SCARB2: variants seen among roughly 807,000 people sequenced by gnomAD.
SCARB2 encodes the protein lysosome membrane protein 2.
Under a neutral mutation model 58.6 loss-of-function variants are expected in SCARB2, and 29 were observed. The observed-to-expected ratio is 0.49, with a 90% CI of 0.37 to 0.67. The LOEUF is 0.67. SCARB2 is among the 30% of genes least tolerant of loss of function. The pLI is 0.00. For missense variants in SCARB2, 488 were observed against 578.5 expected (o/e 0.84, Z 1.60); for synonymous variants, 195 against 210.1 (o/e 0.93, Z 0.62).
intron 2 of SCARB2, among the ~76,000 whole-genome samples, chr4:76,187,791 T>C (rs1276555673): frequency 1.3e-5 from 2 of 152,090 alleles, no homozygotes; most frequent in Non-Finnish European, 2.9e-5. Flanking sequence ...AGTTGATCTT[T>C]AGTGATTATA....
At chr4:76,214,751 G>T (rs1310018624), upstream of SCARB2, among the ~76,000 whole-genome samples, 1 of 152,198 alleles carries the variant, frequency 6.6e-6, no homozygotes, top group Non-Finnish European at 1.5e-5. Flanking sequence ...TCTTTGCACA[G>T]TTCTACTCAT....
chr4:76,172,067 T>C (rs1320892734), intron 7 of SCARB2, among the ~76,000 whole-genome samples: 2 of 148,634 alleles, frequency 1.3e-5, no homozygotes, highest in Non-Finnish European at 3.0e-5. Context: ...TGCAAATATA[T>C]GCATATTTAT....
Position 76,190,785 on chromosome 4 carries a change from A to AAAAC in SCARB2, c.275+4918_275+4921dup, listed in dbSNP as rs368133246. 3.0e-3 allele frequency among the ~76,000 whole-genome samples: 461 copies of AAAAC among 152,040 alleles called. 2 individuals are homozygous for AAAAC. Among genetic ancestry groups the AAAAC allele is most frequent in the African/African-American group, 8.5e-3 (350 of 41,370 alleles). On this transcript the variant is annotated intron_variant, in intron 2 of 11. Coordinates refer to ENST00000264896, the MANE Select transcript of SCARB2 (RefSeq NM_005506.4). ...GGAGACAGAATGAGACTCTGTCTCAAAAACAAACAAACAAACAAACAAACA... is the reference window on the plus strand; with the variant it reads ...GGAGACAGAATGAGACTCTGTCTCAAAAACAAACAAACAAACAAACAAACAAACA...
At chr4:76,217,651 A>C (rs562623143), upstream of SCARB2, 16 of 654,568 alleles carry the variant, frequency 2.4e-5, no homozygotes, top group Non-Finnish European at 4.5e-5. Context: ...CTGCAGAACC[A>C]TGAGCCAAAT....
In SCARB2 at chr4:76,179,699, T is replaced by A. The variant is rs117600063; in HGVS notation, c.430A>T (p.Ile144Leu). Residue 144 changes from isoleucine (I) to leucine (L), a missense_variant, in exon 4 of 12, where the codon ATA (isoleucine) becomes TTA (leucine). Physicochemically the swap from Ile to Leu is conservative, Grantham distance 5 (BLOSUM62 2). Coordinates refer to ENST00000264896, the MANE Select transcript of SCARB2 (RefSeq NM_005506.4). ...RTLNIPVLTVIEWSQVHFLRE... is the reference protein window; with the variant it reads ...RTLNIPVLTVLEWSQVHFLRE... ...AGGAAGTGCACCTGGGACCACTCTA[T>A]GACAGTCTGCGGAGCAGAGGTATAT... 625 of 1,613,392 alleles carry A rather than the reference T, an allele frequency of 3.9e-4. 6 individuals are homozygous for A. The East Asian group carries it at 0.014, about 35-fold the overall frequency.
chr4:76,219,624 G>A (rs1226751661), intron 1 of SCARB2, among the ~76,000 whole-genome samples: 1 of 152,156 alleles, frequency 6.6e-6, no homozygotes, highest in Non-Finnish European at 1.5e-5. Context: ...AGGGGAGAAA[G>A]GGGGGATGGA....
rs747696444 is a variant in SCARB2, at chr4:76,180,977, T to G, written c.400A>C (p.Arg134=). 3.8e-5 allele frequency: 61 copies of G among 1,612,952 alleles called. No homozygotes were observed. The highest frequency in any genetic ancestry group is 4.9e-5 in the Non-Finnish European group (58 of 1,179,592). The change falls in exon 3 of 12, where the codon AGA becomes CGA. Residue 134 remains arginine (R), a synonymous_variant. Transcript: ENST00000264896. ...SVGDPKIDLI[R]TLNIPVLTVI... ...ACCAATACAGGAATATTTAATGTTC[T>G]AATTAAGTCAATTTTAGGGTCTCCA...
In SCARB2 at chr4:76,161,514, A is replaced by G. The variant is rs772709082; in HGVS notation, c.*199T>C. 1.6e-4 allele frequency: 98 copies of G among 617,052 alleles called. No homozygotes were observed. The highest frequency in any genetic ancestry group is 2.3e-4 in the Non-Finnish European group (80 of 345,216). 38.2% of individuals were successfully genotyped at this position (617,052 alleles called of 1,614,324 possible). ...ATAAAAGAACAATTTCAGAGCCCAC[A>G]TGATTTTATAAAGCTTAATGGCCAG... is the stretch of plus-strand genomic sequence containing the variant. On this transcript the variant is annotated 3_prime_UTR_variant, in exon 12 of 12. Transcript: ENST00000264896.
intron 8 of SCARB2, 116 bp downstream of exon 8, chr4:76,169,751 T>A: frequency 1.1e-6 from 1 of 885,624 alleles, no homozygotes; most frequent in Non-Finnish European, 1.9e-6. Context: ...TTCTCCCACT[T>A]GAATATGTAT....
Position 76,222,478 on chromosome 4 carries a change from T to C in SCARB2, c.-358+11825A>G, listed in dbSNP as rs544307993. 2.2e-4 allele frequency among the ~76,000 whole-genome samples: 34 copies of C among 152,334 alleles called. 1 individual carries two copies. The South Asian group carries it at 7.0e-3, about 32-fold the overall frequency. Reference sequence around the variant, plus strand: ...CCTGACTTCAGGTGATCCACCTGCCTCGGCCTTCCAAAGTGCTGGGATTAC... The same window carrying C: ...CCTGACTTCAGGTGATCCACCTGCCCCGGCCTTCCAAAGTGCTGGGATTAC... On this transcript the variant is annotated intron_variant, in intron 1 of 11. Coordinates refer to the SCARB2 transcript ENST00000638295.
upstream of SCARB2, among the ~76,000 whole-genome samples, chr4:76,215,575 A>C (rs920543908): frequency 1.3e-5 from 2 of 152,228 alleles, no homozygotes; most frequent in African/African-American, 4.8e-5. Flanking sequence ...GGCAGGTTTT[A>C]GCAATTTGTT....
intron 2 of SCARB2, among the ~76,000 whole-genome samples, chr4:76,185,066 T>C (rs990688055): frequency 6.6e-6 from 1 of 152,246 alleles, no homozygotes; most frequent in Non-Finnish European, 1.5e-5. Context: ...TCCACCTTTT[T>C]ATAGATAAGG....
upstream of SCARB2, among the ~76,000 whole-genome samples, chr4:76,215,496 A>G (rs894444425): frequency 3.9e-5 from 6 of 152,218 alleles, no homozygotes; most frequent in African/African-American, 1.4e-4. Context: ...ATGGTTTAAA[A>G]ATGGTGGCAA....
intron 11 of SCARB2, chr4:76,162,904 C>G: frequency 1.9e-6 from 1 of 527,390 alleles, no homozygotes; most frequent in Non-Finnish European, 3.4e-6. Context: ...CACCAAAGAT[C>G]AGATGTGTAA....
At chr4:76,204,856 T>C (rs1732897828) in intron 1 of SCARB2, among the ~76,000 whole-genome samples, 1 of 152,196 alleles carries the variant, frequency 6.6e-6, no homozygotes, top group African/African-American at 2.4e-5. Flanking sequence ...TATTTCTATG[T>C]CTCCTCTTCC....
intron 1 of SCARB2, among the ~76,000 whole-genome samples, chr4:76,222,543 C>T (rs1733328320): frequency 6.6e-6 from 1 of 152,260 alleles, no homozygotes; most frequent in African/African-American, 2.4e-5. Flanking sequence ...CCTATCTTCT[C>T]CTTAGTCCTT....
At chr4:76,213,153 GGA>G in intron 1 of SCARB2, 1 of 451,500 alleles carries the variant, frequency 2.2e-6, no homozygotes. Context: ...GAAGGAGTGG[GGA>G]GAGATGCAAA....
At chr4:76,190,610 C>T (rs146263246) in intron 2 of SCARB2, among the ~76,000 whole-genome samples, 3,495 of 152,118 alleles carry the variant, frequency 0.023, 121 homozygotes, top group African/African-American at 0.08. Context: ...ATGGTGAAAC[C>T]TTGTCTCTAC....
rs564639197 is a variant in SCARB2 at position 76,160,786 on chromosome 4, C to T, written c.*927G>A. ...TGGATTTCCCATATTCATAATTTTA[C>T]AAATAATCACTCAATATTAGATTAA... On this transcript the variant is annotated 3_prime_UTR_variant, in exon 12 of 12. Transcript: ENST00000264896. 6.6e-6 allele frequency: 1 copy of T among 152,250 alleles called. No individual in the cohort carries two copies. The highest frequency in any genetic ancestry group is 2.1e-4 in the South Asian group (1 of 4,822). The allele number at this position is 152,250 out of a possible 1,614,324, so 9.4% of individuals were successfully genotyped here. A position where few individuals can be genotyped will look rare whatever the true frequency, so the allele number is the denominator to read the frequency against.
Sources: allele counts gnomAD v4.1 joint callset (sites outside exome capture counted in the v4.1 genomes callset), GRCh38; gene constraint gnomAD v4.1.1; transcripts MANE v1.5; gene names NCBI Gene and HGNC (gene_info 2026-07-23, HGNC 2026-07-21).